The following OPN3 variants were observed in gnomAD, a reference collection of about 807,000 sequenced individuals.
OPN3 encodes the protein opsin 3.
In OPN3, 29 loss-of-function variants were observed where a neutral mutation model predicts 33.8. The observed-to-expected ratio is 0.86, with a 90% CI of 0.64 to 1.17. The LOEUF (loss-of-function observed/expected upper bound fraction) is 1.17. Among genes scored for constraint, OPN3 ranks in the 50% most tolerant of loss-of-function variants. The probability of loss-of-function intolerance (pLI) is 0.00; values close to 1 mark genes in which losing one functional copy is unlikely to be tolerated. For missense variants in OPN3, 437 were observed against 514.1 expected (o/e 0.85, Z 1.45); for synonymous variants, 216 against 216.1 (o/e 1.00, Z 0.00).
In OPN3 at chr1:241,597,770, C is replaced by T. The variant is rs1223369910; in HGVS notation, c.921G>A (p.Val307=). 9 of 1,612,924 alleles carry T rather than the reference C, an allele frequency of 5.6e-6. No homozygotes were observed. The highest frequency in any genetic ancestry group is 7.6e-6 in the Non-Finnish European group (9 of 1,179,700). Reference sequence around the variant, plus strand: ...CCTTTCTGATCATGAAGACATAAATCACTGGATTGTATACAGTGTTCGATT... The same window carrying T: ...CCTTTCTGATCATGAAGACATAAATTACTGGATTGTATACAGTGTTCGATT... ...FAKSNTVYNP[V]IYVFMIRKFR... The change falls in exon 3 of 4, where the codon GTG becomes GTA. Residue 307 remains valine (V), a synonymous_variant. Coordinates refer to ENST00000366554, the MANE Select transcript of OPN3 (RefSeq NM_014322.3).
intron 1 of OPN3, chr1:241,639,362 T>A (rs1573970836): frequency 6.6e-6 from 1 of 152,142 alleles, no homozygotes; most frequent in Non-Finnish European, 1.5e-5. Context: ...CAAGTACTAA[T>A]GAGAATTTTT....
At chr1:241,633,489 C>T (rs940026706) in intron 1 of OPN3, 10 of 274,496 alleles carry the variant, frequency 3.6e-5, no homozygotes, top group South Asian at 5.7e-5. Context: ...AAATACATTA[C>T]CTTTAAGCTG....
intron 2 of OPN3, among the ~76,000 whole-genome samples, chr1:241,602,258 AC>A (rs770992120): frequency 2.4e-4 from 36 of 152,300 alleles, no homozygotes; most frequent in Non-Finnish European, 4.7e-4. Context: ...ATGGCAGGAG[AC>A]CACCACAAGA....
Position 241,597,762 on chromosome 1 carries a change from A to T in OPN3, c.929T>A (p.Val310Asp), listed in dbSNP as rs1361706330. 6.2e-7 allele frequency: 1 copy of T among 1,613,254 alleles called. No individual in the cohort carries two copies. Among genetic ancestry groups the T allele is most frequent in the South Asian group, 1.1e-5 (1 of 90,994 alleles). The change falls in exon 3 of 4, where the codon GTC becomes GAC. Residue 310 changes from valine (V) to aspartate (D), a missense_variant. Coordinates refer to ENST00000366554, the MANE Select transcript of OPN3 (RefSeq NM_014322.3). ...AAAGCTTACCTTTCTGATCATGAAG[A>T]CATAAATCACTGGATTGTATACAGT... is the stretch of plus-strand genomic sequence containing the variant. ...SNTVYNPVIYVFMIRKFRRSL... is the reference protein window; with the variant it reads ...SNTVYNPVIYDFMIRKFRRSL...
At chr1:241,633,789 CTCTTT>C (rs1558447122) in intron 1 of OPN3, 1 of 1,612,738 alleles carries the variant, frequency 6.2e-7, no homozygotes. Flanking sequence ...TTCGAGATTG[CTCTTT>C]TCTAATTTTG....
At chr1:241,611,451 C>CACCTG (rs1341395361) in intron 1 of OPN3, among the ~76,000 whole-genome samples, 2 of 148,814 alleles carry the variant, frequency 1.3e-5, no homozygotes, top group Non-Finnish European at 3.0e-5. Flanking sequence ...AAGCAGGTAC[C>CACCTG]ACCTGAGTGA....
rs371072991 is a variant in OPN3 at position 241,639,793 on chromosome 1, C to T, written c.373+89G>A. Reference sequence around the variant, plus strand: ...GGGCCGAGCGGGAAGCGGTGCGGGGCGGGCTGGGGGGCGGACGCACGGAGC... The same window carrying T: ...GGGCCGAGCGGGAAGCGGTGCGGGGTGGGCTGGGGGGCGGACGCACGGAGC... On this transcript the variant is annotated intron_variant, in intron 1 of 3. Transcript: ENST00000366554. 9,908 of 1,071,794 alleles carry T rather than the reference C, an allele frequency of 9.2e-3. 116 individuals are homozygous for T. Among genetic ancestry groups the T allele is most frequent in the East Asian group, 0.054 (1,451 of 26,830 alleles). 66.4% of individuals were successfully genotyped at this position (1,071,794 alleles called of 1,614,324 possible).
chr1:241,610,196 C>G (rs924882565), intron 1 of OPN3, among the ~76,000 whole-genome samples: 1 of 152,198 alleles, frequency 6.6e-6, no homozygotes, highest in African/African-American at 2.4e-5. Context: ...GCAAACTGCC[C>G]GGCATGTTCA....
rs369122090 is a variant in OPN3, at chr1:241,609,815, G to A, written c.374-5236C>T. Among the ~76,000 whole-genome samples, 25 of 152,306 alleles carry A rather than the reference G, an allele frequency of 1.6e-4. 1 individual carries two copies. The South Asian group carries it at 5.2e-3, about 32-fold the overall frequency. On this transcript the variant is annotated intron_variant, in intron 1 of 3. Transcript: ENST00000366554. ...CCTTGAATTATTGCAAGAGTGCCTT[G>A]GACTCTGGGGTGTGGAGCCAGGACC...
At chr1:241,612,777 A>T (rs930217823) in intron 1 of OPN3, among the ~76,000 whole-genome samples, 5 of 152,184 alleles carry the variant, frequency 3.3e-5, no homozygotes, top group Non-Finnish European at 5.9e-5. Flanking sequence ...GAAGGATCCC[A>T]CGAGAAGCTG....
At position 241,624,533 on chromosome 1, in the gene OPN3, G is replaced by C. The variant is rs560228936; in HGVS notation, c.373+15349C>G. ...TATACTGCAGAAATGATCACAGCCT[G>C]ATTAATATGGTGGTTAATTGTGCAT... is the stretch of plus-strand genomic sequence containing the variant. On this transcript the variant is annotated intron_variant, in intron 1 of 3. Coordinates refer to ENST00000366554, the MANE Select transcript of OPN3 (RefSeq NM_014322.3). Among the ~76,000 whole-genome samples the C allele has an allele frequency of 1.9e-4, 29 of 152,344 alleles. No homozygotes were observed. The South Asian group carries it at 6.0e-3, about 32-fold the overall frequency.
chr1:241,610,744 C>T (rs1663968710), intron 1 of OPN3, among the ~76,000 whole-genome samples: 1 of 152,174 alleles, frequency 6.6e-6, no homozygotes, highest in African/African-American at 2.4e-5. Context: ...ATGTTTGAGG[C>T]CAAAAGTCCT....
At chr1:241,601,655 G>C (rs969617825) in intron 2 of OPN3, among the ~76,000 whole-genome samples, 1 of 152,124 alleles carries the variant, frequency 6.6e-6, no homozygotes, top group Non-Finnish European at 1.5e-5. Context: ...GCAGTGAGCC[G>C]AGATTCTGCC....
chr1:241,603,546 G>A (rs1381919915), intron 2 of OPN3, among the ~76,000 whole-genome samples: 1 of 152,068 alleles, frequency 6.6e-6, no homozygotes, highest in Non-Finnish European at 1.5e-5. Context: ...CTGATCTAGG[G>A]ATTTTGTCTT....
intron 2 of OPN3, among the ~76,000 whole-genome samples, chr1:241,603,481 T>G (rs1663733815): frequency 6.6e-6 from 1 of 152,032 alleles, no homozygotes; most frequent in East Asian, 1.9e-4. Flanking sequence ...TGTTTTTTTT[T>G]TTCCAGCTCC....
intron 1 of OPN3, among the ~76,000 whole-genome samples, chr1:241,610,847 T>C (rs1403566800): frequency 2.6e-5 from 4 of 152,180 alleles, no homozygotes; most frequent in Non-Finnish European, 4.4e-5. Flanking sequence ...TCTGTGACCA[T>C]GGGAAAATTA....
chr1:241,604,584 A>G lies in OPN3; in HGVS notation c.374-5T>C. The G allele has an allele frequency of 6.2e-7, 1 of 1,605,272 alleles. No individual in the cohort carries two copies. The highest frequency in any genetic ancestry group is 8.5e-7 in the Non-Finnish European group (1 of 1,174,490). ...GGGTGGCAATGGAAACAATCCCTGCAAGAAGAGAAAGTGGAAAAGTATAGC... is the reference window on the plus strand; with the variant it reads ...GGGTGGCAATGGAAACAATCCCTGCGAGAAGAGAAAGTGGAAAAGTATAGC... On this transcript the variant is annotated splice_polypyrimidine_tract_variant and splice_region_variant and intron_variant, in intron 1 of 3. Transcript: ENST00000366554.
intron 1 of OPN3, among the ~76,000 whole-genome samples, chr1:241,625,342 T>C (rs935384337): frequency 6.6e-6 from 1 of 152,168 alleles, no homozygotes; most frequent in South Asian, 2.1e-4. Context: ...TATGTGTAAT[T>C]TGATTAATTT....
intron 1 of OPN3, among the ~76,000 whole-genome samples, chr1:241,628,017 A>G (rs1239910188): frequency 6.6e-6 from 1 of 152,166 alleles, no homozygotes; most frequent in Non-Finnish European, 1.5e-5. Flanking sequence ...AAAGTTTCTG[A>G]TTAATGTGAA....
Sources: gnomAD v4.1 joint callset for allele counts (sites outside exome capture counted in the v4.1 genomes callset) on GRCh38, gnomAD v4.1.1 for gene constraint, MANE v1.5 for transcripts, NCBI Gene and HGNC (gene_info 2026-07-23, HGNC 2026-07-21) for gene names.